Variants in IGFL2 observed in about 807,000 individuals in gnomAD.
IGFL2 encodes IGF like family member 2.
A neutral mutation model predicts 13.9 loss-of-function variants in IGFL2; 7 were observed. The observed-to-expected ratio is 0.51, with a 90% confidence interval of 0.29 to 0.95. IGFL2 has a LOEUF of 0.95. Among genes scored for constraint, IGFL2 ranks in the 40% least tolerant of loss-of-function variants. The pLI, the probability that IGFL2 is intolerant of heterozygous loss-of-function variation, is 0.08. For missense variants in IGFL2, 138 were observed against 147.8 expected, an observed-to-expected ratio of 0.93 and a Z score of 0.34; for synonymous variants, 55 against 55.8, an observed-to-expected ratio of 0.99 and a Z score of 0.07.
chr19:46,130,868 G>A, the IGFL2 span, among the ~76,000 whole-genome samples: 17 of 151,796 alleles, frequency 1.1e-4, no homozygotes, highest in Admixed American at 2.0e-4. Context: ...TGTTTTCCTC[G>A]CCTTTGTGTT....
the IGFL2 span, chr19:46,189,933 A>G: frequency 2.0e-5 from 3 of 152,126 alleles, no homozygotes; most frequent in Admixed American, 6.5e-5. Context: ...TGCTGCCCAC[A>G]CTGGGAAATG....
the IGFL2 span, among the ~76,000 whole-genome samples, chr19:46,109,604 C>T: frequency 6.6e-6 from 1 of 152,112 alleles, no homozygotes; most frequent in Non-Finnish European, 1.5e-5. Context: ...GCGTGAGACA[C>T]CGCGCCCGGC....
the IGFL2 span, among the ~76,000 whole-genome samples, chr19:46,088,164 C>T: frequency 6.6e-6 from 1 of 152,184 alleles, no homozygotes; most frequent in East Asian, 1.9e-4. Context: ...CATTACTTCT[C>T]TGTTGAATTC....
chr19:46,141,637 A>G (rs558167163), upstream of IGFL2, among the ~76,000 whole-genome samples: 88 of 152,198 alleles, frequency 5.8e-4, no homozygotes, highest in Non-Finnish European at 1.0e-3. Context: ...CTTCAACAAC[A>G]TGACTCACCT....
At chr19:46,129,411 G>T in the IGFL2 span, among the ~76,000 whole-genome samples, 1 of 150,822 alleles carries the variant, frequency 6.6e-6, no homozygotes, top group Non-Finnish European at 1.5e-5. Flanking sequence ...GCCGGCTTTG[G>T]GGTTTGTTTG....
chr19:46,199,667 C>T, the IGFL2 span, among the ~76,000 whole-genome samples: 3 of 152,310 alleles, frequency 2.0e-5, no homozygotes, highest in East Asian at 5.8e-4. Flanking sequence ...CTCCTCTCTC[C>T]TCGGGACACA....
upstream of IGFL2, among the ~76,000 whole-genome samples, chr19:46,147,138 C>T (rs1044507280): frequency 1.6e-4 from 25 of 152,190 alleles, no homozygotes; most frequent in African/African-American, 6.0e-4. Flanking sequence ...TTTCTGTTCT[C>T]CCTGGCAGGG....
At chr19:46,104,270 G>A in the IGFL2 span, among the ~76,000 whole-genome samples, 4 of 152,178 alleles carry the variant, frequency 2.6e-5, no homozygotes, top group Admixed American at 6.5e-5. Flanking sequence ...CTAATTCTGA[G>A]AAGGGCAAGA....
the IGFL2 span, among the ~76,000 whole-genome samples, chr19:46,090,064 A>G: frequency 2.6e-5 from 4 of 151,426 alleles, no homozygotes; most frequent in Non-Finnish European, 5.9e-5. Context: ...TTCCCCTCTG[A>G]TGGTACATTT....
chr19:46,089,652 GT>G, the IGFL2 span, among the ~76,000 whole-genome samples: 286 of 143,344 alleles, frequency 2.0e-3, 1 homozygote, highest in African/African-American at 5.5e-3. Flanking sequence ...TTGGTGGTAG[GT>G]TTTTTTTTTT....
At chr19:46,149,971 G>T (rs1384417031) in intron 1 of IGFL2, among the ~76,000 whole-genome samples, 1 of 152,150 alleles carries the variant, frequency 6.6e-6, no homozygotes, top group Non-Finnish European at 1.5e-5. Context: ...CCACAGAGCT[G>T]CATCAATTAC....
the IGFL2 span, among the ~76,000 whole-genome samples, chr19:46,134,953 G>A: frequency 6.6e-6 from 1 of 152,202 alleles, no homozygotes; most frequent in African/African-American, 2.4e-5. Context: ...GAGCAGCTCT[G>A]TAATTGCAGT....
the IGFL2 span, among the ~76,000 whole-genome samples, chr19:46,200,432 T>C: frequency 2.3e-4 from 34 of 145,612 alleles, 1 homozygote; most frequent in African/African-American, 8.6e-4. Flanking sequence ...AGTTGGCCTG[T>C]CAAAGTGCTG....
At chr19:46,106,920 G>T in the IGFL2 span, among the ~76,000 whole-genome samples, 1 of 152,138 alleles carries the variant, frequency 6.6e-6, no homozygotes, top group Non-Finnish European at 1.5e-5. Context: ...GATACAAGGG[G>T]AGGATTCGAA....
chr19:46,188,784 GC>G, the IGFL2 span, among the ~76,000 whole-genome samples: 2 of 152,158 alleles, frequency 1.3e-5, no homozygotes, highest in Non-Finnish European at 2.9e-5. Flanking sequence ...TCCTACCCTT[GC>G]CTGACAGCTC....
chr19:46,210,594 G>C, the IGFL2 span, among the ~76,000 whole-genome samples: 98 of 152,314 alleles, frequency 6.4e-4, no homozygotes, highest in East Asian at 0.015. Flanking sequence ...GATGTTCGAG[G>C]GAAGGAAGCA....
the IGFL2 span, among the ~76,000 whole-genome samples, chr19:46,174,940 T>G: frequency 6.6e-6 from 1 of 152,216 alleles, no homozygotes; most frequent in Non-Finnish European, 1.5e-5. Flanking sequence ...CTGATATTAC[T>G]ACAAACCAAG....
chr19:46,142,301 G>T (rs977491441), upstream of IGFL2, among the ~76,000 whole-genome samples: 3 of 152,150 alleles, frequency 2.0e-5, no homozygotes, highest in African/African-American at 7.2e-5. Flanking sequence ...ATTATTTTAA[G>T]TGACAAAAAT....
the IGFL2 span, among the ~76,000 whole-genome samples, chr19:46,179,318 A>T: frequency 1.5e-5 from 1 of 68,692 alleles, no homozygotes. Context: ...GCAGAGGTGC[A>T]GGTGTCTGAG....
Sources: gnomAD v4.1 joint callset for allele counts (sites outside exome capture counted in the v4.1 genomes callset) on GRCh38, gnomAD v4.1.1 for gene constraint, MANE v1.5 for transcripts, NCBI Gene and HGNC (gene_info 2026-07-23, HGNC 2026-07-21) for gene names.